METTL6: variants seen among roughly 807,000 people sequenced by gnomAD.
METTL6 encodes the protein methyltransferase 6, tRNA N3-cytidine, also known as tRNA N(3)-cytidine methyltransferase METTL6.
A neutral mutation model predicts 26.4 loss-of-function variants in METTL6; 22 were observed. The ratio of observed to expected loss-of-function variants is 0.83; its 90% confidence interval spans 0.59 to 1.19. METTL6 has a LOEUF of 1.19. METTL6 is among the 50% of genes most tolerant of loss of function. METTL6 has a pLI of 0.00. For missense variants in METTL6, 304 were observed against 324.8 expected (o/e 0.94, Z 0.49); for synonymous variants, 109 against 116.2 (o/e 0.94, Z 0.40).
chr3:15,422,469 A>G (rs1248145831), intron 3 of METTL6, among the ~76,000 whole-genome samples: 1 of 152,112 alleles, frequency 6.6e-6, no homozygotes, highest in Non-Finnish European at 1.5e-5. Context: ...ACAAAAAAAT[A>G]CAAAAATTAG....
upstream of METTL6, chr3:15,427,642 G>A (rs1216619503): frequency 3.6e-6 from 3 of 844,950 alleles, no homozygotes; most frequent in Non-Finnish European, 5.7e-6. Flanking sequence ...TCTGGACCCG[G>A]GTGGGTGCCG....
At chr3:15,424,325 G>A (rs2061673665) in intron 3 of METTL6, among the ~76,000 whole-genome samples, 1 of 152,218 alleles carries the variant, frequency 6.6e-6, no homozygotes, top group Admixed American at 6.5e-5. Context: ...GGAGTGCAGT[G>A]CTGCAATCTT....
chr3:15,426,451 TCTC>T lies in METTL6; in HGVS notation c.58_60del (p.Glu20del), dbSNP rs758806356. On this transcript the variant is annotated inframe_deletion, in exon 2 of 6. Transcript: ENST00000383790. Reference sequence around the variant, plus strand: ...ACCAAAGTTTGGTCTCTTTTCAGTTTCTCCTCTTCTTCAGAGGTGAGAATCCTT... The same window carrying T: ...ACCAAAGTTTGGTCTCTTTTCAGTTTCTCTTCTTCAGAGGTGAGAATCCTT... 5.6e-5 allele frequency: 91 copies of T among 1,614,104 alleles called. No individual in the cohort carries two copies. The highest frequency in any genetic ancestry group is 7.3e-5 in the Non-Finnish European group (86 of 1,180,050).
intron 2 of METTL6, 110 bp downstream of exon 2, chr3:15,426,177 G>C: frequency 8.9e-6 from 9 of 1,006,960 alleles, no homozygotes; most frequent in Non-Finnish European, 1.3e-5. Context: ...TTGACTTCGT[G>C]ATCCGCCTGC....
chr3:15,406,615 TATATATATATATATAGAGAG>T (rs1166051820), downstream of METTL6, among the ~76,000 whole-genome samples: 170 of 54,612 alleles, frequency 3.1e-3, no homozygotes, highest in East Asian at 0.029. Context: ...TATATATATA[TATATATATATATATAGAGAG>T]AGAGAGAGAG....
rs1699911454 is a variant in METTL6 at position 15,410,186 on chromosome 3, A to G, written c.*1070T>C. ...TTTTTTAATACAAAAAGTACATAGT[A>G]GCCCCCCGTATCTGCGGGTGGTATG... On this transcript the variant is annotated 3_prime_UTR_variant, in exon 6 of 6. Coordinates refer to ENST00000383790, the MANE Select transcript of METTL6 (RefSeq NM_152396.4). 6.6e-6 allele frequency among the ~76,000 whole-genome samples: 1 copy of G among 151,978 alleles called. No homozygotes were observed.
Position 15,410,766 on chromosome 3 carries a change from G to A in METTL6, c.*490C>T, listed in dbSNP as rs1200152198. ...CACCTGTAGTCCTAGCTACTCAGGAGGCTGAGGCAGGAAGACTGCTTGAGC... is the reference window on the plus strand; with the variant it reads ...CACCTGTAGTCCTAGCTACTCAGGAAGCTGAGGCAGGAAGACTGCTTGAGC... On this transcript the variant is annotated 3_prime_UTR_variant, in exon 6 of 6. Coordinates refer to ENST00000383790, the MANE Select transcript of METTL6 (RefSeq NM_152396.4). Among the ~76,000 whole-genome samples, 1 of 152,168 alleles carries A rather than the reference G, an allele frequency of 6.6e-6. No individual in the cohort carries two copies. Among genetic ancestry groups the A allele is most frequent in the East Asian group, 1.9e-4 (1 of 5,188 alleles).
rs1490461860 is a variant in METTL6, at chr3:15,411,260, G to A, written c.851C>T (p.Ser284Phe). 3 of 1,612,240 alleles carry A rather than the reference G, an allele frequency of 1.9e-6. No individual in the cohort carries two copies. The highest frequency in any genetic ancestry group is 2.5e-6 in the Non-Finnish European group (3 of 1,179,514). ...SPVVLGLDPK[S>F] ...AAATGCCAACCTCATGAAAGGTCAG[G>A]ACTTAGGATCCAGGCCCAGGACCAC... Residue 284 changes from serine (S) to phenylalanine (F), a missense_variant, in exon 6 of 6, where the codon TCC (serine) becomes TTC (phenylalanine). Ser to Phe is a radical substitution (Grantham distance 155). Transcript: ENST00000383790.
chr3:15,426,745 G>A (rs73816560), intron 1 of METTL6, 110 bp from the exon 2 acceptor site: 9,440 of 549,754 alleles, frequency 0.017, 217 homozygotes, highest in African/African-American at 0.082. Context: ...AATCCTTCCC[G>A]CTATATGAGA....
chr3:15,426,287 C>G lies in METTL6; in HGVS notation c.225G>C (p.Glu75Asp), dbSNP rs551800321. ...REFEELRSCREFEDQKLTMLE... is the reference protein window; with the variant it reads ...REFEELRSCRDFEDQKLTMLE... ...CAGATAAGGCGTAATATTAGCTTAC[C>G]TCTCTACATGATCTTAGCTCCTCAA... The change falls in exon 2 of 6, where the codon GAG (glutamate) becomes GAC (aspartate). Residue 75 changes from glutamate to aspartate, a missense_variant and splice_region_variant. Coordinates refer to ENST00000383790, the MANE Select transcript of METTL6 (RefSeq NM_152396.4). The G allele has an allele frequency of 3.7e-6, 6 of 1,612,800 alleles. No homozygotes were observed. Among genetic ancestry groups the G allele is most frequent in the Non-Finnish European group, 5.1e-6 (6 of 1,178,928 alleles).
At chr3:15,400,336 C>T (rs937344064) in intron 6 of METTL6, among the ~76,000 whole-genome samples, 5 of 152,162 alleles carry the variant, frequency 3.3e-5, no homozygotes, top group Non-Finnish European at 5.9e-5. Flanking sequence ...GGTACACACA[C>T]TGGCTCTTCT....
chr3:15,393,445 G>A (rs1223222281), intron 6 of METTL6, among the ~76,000 whole-genome samples: 1 of 152,182 alleles, frequency 6.6e-6, no homozygotes, highest in East Asian at 1.9e-4. Context: ...TCTGCAGACA[G>A]CGACAATTTG....
intron 6 of METTL6, chr3:15,384,357 T>C (rs1699138385): frequency 5.2e-6 from 1 of 191,112 alleles, no homozygotes; most frequent in East Asian, 1.8e-4. Flanking sequence ...ACCACACATC[T>C]GAGAAAAGCT....
chr3:15,425,157 A>T lies in METTL6; in HGVS notation c.226-68T>A, dbSNP rs1454567209. ...TAATGAAGAAATAAACCAAACTAAA[A>T]GGTCCAGAATATGAGAGGTCTCCGA... On this transcript the variant is annotated intron_variant, in intron 2 of 5. Coordinates refer to ENST00000383790, the MANE Select transcript of METTL6 (RefSeq NM_152396.4). 3 of 1,577,084 alleles carry T rather than the reference A, an allele frequency of 1.9e-6. No individual in the cohort carries two copies. In the African/African-American group the frequency reaches 4.1e-5, roughly 22 times the overall value.
intron 6 of METTL6, among the ~76,000 whole-genome samples, chr3:15,386,257 T>C (rs559098785): frequency 1.3e-5 from 2 of 152,254 alleles, no homozygotes; most frequent in African/African-American, 4.8e-5. Flanking sequence ...AGCATGCTAA[T>C]GCATTATAGC....
chr3:15,384,992 G>A (rs2124884478), intron 6 of METTL6, among the ~76,000 whole-genome samples: 1 of 152,264 alleles, frequency 6.6e-6, no homozygotes, highest in Admixed American at 6.5e-5. Flanking sequence ...AGAGAAGTCT[G>A]AAAAATGTGT....
chr3:15,382,441 G>A (rs756004683), exon 7 of METTL6: 1 of 152,300 alleles, frequency 6.6e-6, no homozygotes, highest in African/African-American at 2.4e-5. Flanking sequence ...GGGAGGCAGA[G>A]GCAGGAGGAT....
At chr3:15,414,359 T>A (rs1353711335) in intron 4 of METTL6, 197 bp from the exon 5 acceptor site, 2 of 293,172 alleles carry the variant, frequency 6.8e-6, no homozygotes, top group East Asian at 2.1e-4. Context: ...AGACACTTCT[T>A]TTTTTTTTTT....
intron 3 of METTL6, among the ~76,000 whole-genome samples, chr3:15,420,839 C>T (rs1378619820): frequency 6.6e-6 from 1 of 152,188 alleles, no homozygotes; most frequent in Non-Finnish European, 1.5e-5. Context: ...CTAAGCACTA[C>T]AAATGCTTAT....
Sources: allele counts gnomAD v4.1 joint callset (sites outside exome capture counted in the v4.1 genomes callset), GRCh38; gene constraint gnomAD v4.1.1; transcripts MANE v1.5; gene names NCBI Gene and HGNC (gene_info 2026-07-23, HGNC 2026-07-21).